The following GATA4 variants were observed in gnomAD, a reference collection of about 807,000 sequenced individuals.
The protein encoded by GATA4 is transcription factor GATA-4.
A neutral mutation model predicts 37.9 loss-of-function variants in GATA4; 7 were observed. The observed-to-expected ratio is 0.18, with a 90% confidence interval of 0.11 to 0.35. The LOEUF (loss-of-function observed/expected upper bound fraction) is 0.35, where lower values mean the gene tolerates loss of function less well. Ranked by LOEUF, GATA4 falls within the 10% of genes least tolerant of loss-of-function variation. The pLI, the probability that GATA4 is intolerant of heterozygous loss-of-function variation, is 1.00. For synonymous variants in GATA4, 372 were observed against 292.6 expected (o/e 1.27, Z -2.77); for missense variants, 647 against 653.0 (o/e 0.99, Z 0.10).
intron 2 of GATA4, among the ~76,000 whole-genome samples, chr8:11,735,962 G>A (rs1230562800): frequency 1.3e-5 from 2 of 152,188 alleles, no homozygotes; most frequent in African/African-American, 4.8e-5. Context: ...CCAGGTTGGA[G>A]TGTGGTGGTG....
At chr8:11,713,088 A>G (rs1800272539) in intron 2 of GATA4, among the ~76,000 whole-genome samples, 1 of 152,210 alleles carries the variant, frequency 6.6e-6, no homozygotes, top group Non-Finnish European at 1.5e-5. Context: ...AGTTTTAACA[A>G]TATCTTGCCA....
chr8:11,736,225 T>A (rs542202419), intron 2 of GATA4, among the ~76,000 whole-genome samples: 11 of 152,330 alleles, frequency 7.2e-5, no homozygotes, highest in Middle Eastern at 6.8e-3. Context: ...TTTGTAGCAA[T>A]TAAAAATTGC....
intron 1 of GATA4, among the ~76,000 whole-genome samples, chr8:11,679,912 G>C (rs1798899527): frequency 6.6e-6 from 1 of 152,234 alleles, no homozygotes; most frequent in Admixed American, 6.5e-5. Context: ...TTTAATCCCT[G>C]TTGTGTGTCG....
At chr8:11,686,581 C>T (rs1198442762) in intron 1 of GATA4, among the ~76,000 whole-genome samples, 1 of 152,174 alleles carries the variant, frequency 6.6e-6, no homozygotes, top group African/African-American at 2.4e-5. Context: ...AGACAGGCAC[C>T]ATAGCCATCT....
intron 1 of GATA4, among the ~76,000 whole-genome samples, chr8:11,685,508 C>T (rs575604632): frequency 1.3e-5 from 2 of 152,286 alleles, no homozygotes; most frequent in Non-Finnish European, 2.9e-5. Context: ...GGTGCGCTTT[C>T]GTAGCAAATC....
chr8:11,696,607 T>G (rs950077870), intron 1 of GATA4, among the ~76,000 whole-genome samples: 1 of 152,250 alleles, frequency 6.6e-6, no homozygotes, highest in African/African-American at 2.4e-5. Context: ...GTTTAAAGTT[T>G]AAAACACAAC....
At chr8:11,688,332 G>C (rs1199617129), upstream of GATA4, among the ~76,000 whole-genome samples, 1 of 152,156 alleles carries the variant, frequency 6.6e-6, no homozygotes, top group Non-Finnish European at 1.5e-5. Context: ...TTCTTATACA[G>C]AGCTCTATAT....
In GATA4 at chr8:11,739,950, C is replaced by T. The variant is rs573368958; in HGVS notation, c.617-8966C>T. On this transcript the variant is annotated intron_variant, in intron 2 of 6. Coordinates refer to ENST00000532059, the MANE Select transcript of GATA4 (RefSeq NM_001308093.3). Reference sequence around the variant, plus strand: ...TTGCTCCTGGACCCTCGCAGCCTCTCCCACAGAAGGACTGGGGATGTGCAG... The same window carrying T: ...TTGCTCCTGGACCCTCGCAGCCTCTTCCACAGAAGGACTGGGGATGTGCAG... Among the ~76,000 whole-genome samples the T allele has an allele frequency of 3.9e-5, 6 of 152,314 alleles. No homozygotes were observed. The East Asian group carries it at 1.2e-3, about 29-fold the overall frequency.
intron 1 of GATA4, among the ~76,000 whole-genome samples, chr8:11,696,377 C>A (rs913186193): frequency 3.3e-5 from 5 of 152,100 alleles, no homozygotes; most frequent in Non-Finnish European, 5.9e-5. Context: ...TGTCTATCAT[C>A]TTTTGAATAT....
chr8:11,759,028 T>TG lies in GATA4; in HGVS notation c.*557dup. ...GACATACAAGTGACTGAACACTTCC[T>TG]GGGGAGCTACAGGGGCACTTAACCC... On this transcript the variant is annotated 3_prime_UTR_variant, in exon 7 of 7. Transcript: ENST00000532059. The TG allele has an allele frequency of 5.6e-6, 1 of 178,026 alleles. No individual in the cohort carries two copies. The highest frequency in any genetic ancestry group is 1.4e-4 in the East Asian group (1 of 7,056). 11.0% of individuals were successfully genotyped at this position (178,026 alleles called of 1,614,324 possible). A position where few individuals can be genotyped will look rare whatever the true frequency, so the allele number is the denominator to read the frequency against.
chr8:11,743,594 C>T (rs1235813435), intron 2 of GATA4, among the ~76,000 whole-genome samples: 1 of 152,276 alleles, frequency 6.6e-6, no homozygotes, highest in Non-Finnish European at 1.5e-5. Context: ...TCTGATTCCT[C>T]TCCCTTTCTT....
At chr8:11,681,746 G>T (rs1430407534) in intron 1 of GATA4, among the ~76,000 whole-genome samples, 1 of 151,352 alleles carries the variant, frequency 6.6e-6, no homozygotes, top group Non-Finnish European at 1.5e-5. Context: ...AATTCTCCCC[G>T]CTTACTTTGT....
rs1799949883 is a variant in GATA4 at position 11,707,622 on chromosome 8, G to T, written c.-457-234G>T. On this transcript the variant is annotated intron_variant, in intron 1 of 6. Coordinates refer to ENST00000532059, the MANE Select transcript of GATA4 (RefSeq NM_001308093.3). The surrounding 1 kb of genome is among the most constrained non-coding windows in gnomAD (Gnocchi z 4.7). ...CAATAACTGCACACCAAAGACCCGG[G>T]AAGCCCCTGGTCCCTGGGGCGCCTC... Among the ~76,000 whole-genome samples, 1 of 152,118 alleles carries T rather than the reference G, an allele frequency of 6.6e-6. No individual in the cohort carries two copies. Among genetic ancestry groups the T allele is most frequent in the African/African-American group, 2.4e-5 (1 of 41,402 alleles).
At chr8:11,723,262 T>A (rs7833508) in intron 2 of GATA4, among the ~76,000 whole-genome samples, 126,786 of 151,984 alleles carry the variant, frequency 0.83, 52,982 homozygotes, top group Middle Eastern at 0.86. Flanking sequence ...GAGGCTGAAG[T>A]GGGAGGATTG....
At chr8:11,710,657 T>G (rs1585602081) in intron 2 of GATA4, among the ~76,000 whole-genome samples, 1 of 108,740 alleles carries the variant, frequency 9.2e-6, no homozygotes, top group Admixed American at 1.4e-4. Context: ...GCCACTGCAC[T>G]CCAGCCTGGT....
At chr8:11,746,373 G>A (rs1192105656) in intron 2 of GATA4, among the ~76,000 whole-genome samples, 1 of 152,078 alleles carries the variant, frequency 6.6e-6, no homozygotes. Flanking sequence ...TCTCTAAAGA[G>A]CAAAATAAAA....
intron 1 of GATA4, among the ~76,000 whole-genome samples, chr8:11,696,279 C>T (rs1450445304): frequency 1.3e-5 from 2 of 152,104 alleles, no homozygotes; most frequent in Non-Finnish European, 2.9e-5. Flanking sequence ...ACAGTCAACT[C>T]TTCCCCCTCC....
upstream of GATA4, among the ~76,000 whole-genome samples, chr8:11,701,819 T>G (rs2130026051): frequency 7.8e-6 from 1 of 127,476 alleles, no homozygotes; most frequent in South Asian, 2.9e-4. Flanking sequence ...CCACTAGGAG[T>G]GCCAGCGGAA....
intron 2 of GATA4, among the ~76,000 whole-genome samples, chr8:11,725,071 C>A (rs1179467333): frequency 6.6e-6 from 1 of 152,244 alleles, no homozygotes; most frequent in Non-Finnish European, 1.5e-5. Flanking sequence ...TCATTCTCTG[C>A]TGTCCTTCTG....
Sources: allele counts gnomAD v4.1 joint callset (sites outside exome capture counted in the v4.1 genomes callset), GRCh38; gene constraint gnomAD v4.1.1; non-coding constraint Gnocchi (gnomAD v3.1); transcripts MANE v1.5; gene names NCBI Gene and HGNC (gene_info 2026-07-23, HGNC 2026-07-21).